The following HS6ST3 variants were observed in gnomAD, a reference collection of about 807,000 sequenced individuals.
HS6ST3 encodes the protein heparan-sulfate 6-O-sulfotransferase 3.
A neutral mutation model predicts 36.7 loss-of-function variants in HS6ST3; 12 were observed. The ratio of observed to expected loss-of-function variants is 0.33; its 90% CI spans 0.21 to 0.53. The LOEUF (loss-of-function observed/expected upper bound fraction) is 0.53, where lower values mean the gene tolerates loss of function less well. Ranked by LOEUF, HS6ST3 falls within the 20% of genes least tolerant of loss-of-function variation. HS6ST3 has a pLI of 0.95. For missense variants in HS6ST3, 584 were observed against 640.9 expected (o/e 0.91, Z 0.96); for synonymous variants, 240 against 257.5 (o/e 0.93, Z 0.65).
intron 1 of HS6ST3, among the ~76,000 whole-genome samples, chr13:96,715,265 GA>G (rs560973419): frequency 1.7e-4 from 26 of 149,644 alleles, no homozygotes; most frequent in East Asian, 1.2e-3. Flanking sequence ...TGCCTATGAA[GA>G]AAAAAAAACA....
chr13:96,238,564 G>A (rs1331117021), intron 1 of HS6ST3, among the ~76,000 whole-genome samples: 3 of 152,164 alleles, frequency 2.0e-5, no homozygotes, highest in Admixed American at 6.5e-5. Context: ...CCTCAAGCTC[G>A]TAATTAAAAT....
rs569117544 is a variant in HS6ST3, at chr13:96,682,025, A to C, written c.708-150465A>C. 1.3e-4 allele frequency among the ~76,000 whole-genome samples: 20 copies of C among 152,246 alleles called. No homozygotes were observed. The South Asian group carries it at 3.3e-3, about 25-fold the overall frequency. ...CTATATTGCTGCTGGAAGCCAAGGA[A>C]ATGTATTATTTATCTTGGTGCCTGG... On this transcript the variant is annotated intron_variant, in intron 1 of 1. Transcript: ENST00000376705.
intron 1 of HS6ST3, among the ~76,000 whole-genome samples, chr13:96,392,678 G>A (rs1233838667): frequency 6.6e-6 from 1 of 152,174 alleles, no homozygotes; most frequent in Admixed American, 6.5e-5. Context: ...TGGCAAGCTG[G>A]AGAGTGGCAC....
At chr13:96,138,942 G>A (rs112716820) in intron 1 of HS6ST3, among the ~76,000 whole-genome samples, 3,051 of 151,936 alleles carry the variant, frequency 0.02, 88 homozygotes, top group African/African-American at 0.068. Flanking sequence ...ATTATGGGTG[G>A]TTTATTTAAT....
chr13:96,305,320 A>G (rs2054906776), intron 1 of HS6ST3, among the ~76,000 whole-genome samples: 1 of 152,180 alleles, frequency 6.6e-6, no homozygotes, highest in South Asian at 2.1e-4. Context: ...ACCATACTTC[A>G]TGAATATTTT....
chr13:96,479,275 C>G lies in HS6ST3; in HGVS notation c.708-353215C>G, dbSNP rs551971270. On this transcript the variant is annotated intron_variant, in intron 1 of 1. Coordinates refer to ENST00000376705, the MANE Select transcript of HS6ST3 (RefSeq NM_153456.4). Reference sequence around the variant, plus strand: ...ACAAAAGTGTTTCAGGAAGATGGAACAGTGAGGCTGTATAATGGTAGTTCC... The same window carrying G: ...ACAAAAGTGTTTCAGGAAGATGGAAGAGTGAGGCTGTATAATGGTAGTTCC... Among the ~76,000 whole-genome samples, 3 of 152,246 alleles carry G rather than the reference C, an allele frequency of 2.0e-5. No individual in the cohort carries two copies. In the South Asian group the frequency reaches 6.2e-4, roughly 32 times the overall value.
At chr13:96,177,735 C>A (rs2139338064) in intron 1 of HS6ST3, among the ~76,000 whole-genome samples, 1 of 151,442 alleles carries the variant, frequency 6.6e-6, no homozygotes, top group East Asian at 1.9e-4. Flanking sequence ...GTGCAACAAA[C>A]CTGCATGACA....
intron 1 of HS6ST3, among the ~76,000 whole-genome samples, chr13:96,719,122 A>C (rs1875780095): frequency 6.6e-6 from 1 of 152,070 alleles, no homozygotes; most frequent in Admixed American, 6.6e-5. Flanking sequence ...AAAATACAAA[A>C]AATTAGCAGG....
At chr13:96,617,194 G>A (rs887047759) in intron 1 of HS6ST3, among the ~76,000 whole-genome samples, 2 of 152,242 alleles carry the variant, frequency 1.3e-5, no homozygotes, top group Non-Finnish European at 2.9e-5. Flanking sequence ...CAGAATGTAA[G>A]TATTGTAAAA....
At chr13:96,485,080 AT>A (rs2055907527) in intron 1 of HS6ST3, among the ~76,000 whole-genome samples, 1 of 152,082 alleles carries the variant, frequency 6.6e-6, no homozygotes, top group African/African-American at 2.4e-5. Flanking sequence ...TCTTTTTCTT[AT>A]CCATATAAAC....
At chr13:96,317,349 TATATATATATATATATATAAAATTATA>T (rs1566322010) in intron 1 of HS6ST3, among the ~76,000 whole-genome samples, 13 of 79,164 alleles carry the variant, frequency 1.6e-4, no homozygotes, top group East Asian at 7.9e-4. Flanking sequence ...TATATATATA[TATATATATATATATATATAAAATTATA>T]TATATATATA....
At position 96,090,299 on chromosome 13, in the gene HS6ST3, G is replaced by T. The variant is rs923796946; in HGVS notation, c.-564G>T. On this transcript the variant is annotated 5_prime_UTR_variant, in exon 1 of 2. Transcript: ENST00000376705. ...GCGGCGAGCGCCGTCAGCCCTCGCG[G>T]CTCCACAGCCCCGCGACCTGCCGGC... Among the ~76,000 whole-genome samples the T allele has an allele frequency of 8.0e-5, 12 of 149,980 alleles. No homozygotes were observed. Among genetic ancestry groups the T allele is most frequent in the African/African-American group, 2.9e-4 (12 of 41,262 alleles).
chr13:96,459,052 C>T (rs553672276), intron 1 of HS6ST3, among the ~76,000 whole-genome samples: 2 of 139,158 alleles, frequency 1.4e-5, no homozygotes, highest in East Asian at 4.3e-4. Flanking sequence ...TGCAGTGAGC[C>T]GAGATTGTGT....
At chr13:96,394,739 A>AC (rs2055412765) in intron 1 of HS6ST3, among the ~76,000 whole-genome samples, 1 of 152,194 alleles carries the variant, frequency 6.6e-6, no homozygotes, top group Admixed American at 6.5e-5. Flanking sequence ...TTCTTATGGT[A>AC]CATTGTCTGG....
intron 1 of HS6ST3, among the ~76,000 whole-genome samples, chr13:96,146,135 A>C (rs1197716201): frequency 6.6e-6 from 1 of 152,080 alleles, no homozygotes; most frequent in African/African-American, 2.4e-5. Context: ...TTGGCAATGC[A>C]GGCTCTTTTT....
intron 1 of HS6ST3, among the ~76,000 whole-genome samples, chr13:96,588,099 A>G (rs2056368589): frequency 6.6e-6 from 1 of 151,560 alleles, no homozygotes; most frequent in Non-Finnish European, 1.5e-5. Flanking sequence ...TGCTGATTTT[A>G]TATGCTACTA....
rs568910011 is a variant in HS6ST3 at position 96,780,183 on chromosome 13, G to A, written c.708-52307G>A. 1.6e-4 allele frequency among the ~76,000 whole-genome samples: 24 copies of A among 152,278 alleles called. No homozygotes were observed. In the South Asian group the frequency reaches 4.6e-3, roughly 29 times the overall value. ...GTATCAGAGACTCAGAAGCTGTGAG[G>A]GAAGATGGAGAGTAGAGCTGAAGGA... On this transcript the variant is annotated intron_variant, in intron 1 of 1. Transcript: ENST00000376705.
intron 1 of HS6ST3, among the ~76,000 whole-genome samples, chr13:96,818,593 A>C (rs1316012856): frequency 6.6e-6 from 1 of 152,230 alleles, no homozygotes; most frequent in Non-Finnish European, 1.5e-5. Flanking sequence ...GATAAAATAC[A>C]TGAAAGTTAA....
At chr13:96,505,143 A>G (rs1286067658) in intron 1 of HS6ST3, among the ~76,000 whole-genome samples, 1 of 152,186 alleles carries the variant, frequency 6.6e-6, no homozygotes, top group Non-Finnish European at 1.5e-5. Flanking sequence ...TTAGTGTGGA[A>G]CAAATTTATT....
Sources: gnomAD v4.1 joint callset for allele counts (sites outside exome capture counted in the v4.1 genomes callset) on GRCh38, gnomAD v4.1.1 for gene constraint, MANE v1.5 for transcripts, NCBI Gene and HGNC (gene_info 2026-07-23, HGNC 2026-07-21) for gene names.